ABCB5: variants seen among roughly 807,000 people sequenced by gnomAD.
ABCB5 encodes ATP binding cassette subfamily B member 5.
ABCB5 carries 155 observed loss-of-function variants against 144.2 expected under a neutral mutation model. The observed-to-expected ratio is 1.08, with a 90% CI of 0.94 to 1.23. The LOEUF is 1.23. Ranked by LOEUF, ABCB5 falls within the 50% of genes most tolerant of loss-of-function variation. The pLI, the probability that ABCB5 is intolerant of heterozygous loss-of-function variation, is 0.00. For missense variants in ABCB5, 1,830 were observed against 1,520.8 expected, an observed-to-expected ratio of 1.20 and a Z score of -3.38; for synonymous variants, 610 against 528.6, an observed-to-expected ratio of 1.15 and a Z score of -2.11.
At chr7:20,701,341 T>C (rs1395686586) in intron 19 of ABCB5, among the ~76,000 whole-genome samples, 10 of 152,232 alleles carry the variant, frequency 6.6e-5, no homozygotes, top group Non-Finnish European at 5.9e-5. Flanking sequence ...TTTCTGCTCA[T>C]TTTTGTTTTT....
At position 20,699,405 on chromosome 7, in the gene ABCB5, T is replaced by C. The variant is rs534832918; in HGVS notation, c.2155-420T>C. Among the ~76,000 whole-genome samples the C allele has an allele frequency of 4.9e-4, 75 of 152,304 alleles. 1 individual carries two copies. In the South Asian group the frequency reaches 0.015, roughly 31 times the overall value. On this transcript the variant is annotated intron_variant, in intron 17 of 27. Transcript: ENST00000404938. Reference sequence around the variant, plus strand: ...TGTGTGTATAGTTTTATTTTTATGTTGAAATTTATTTTAAGCTGGGTGCAA... The same window carrying C: ...TGTGTGTATAGTTTTATTTTTATGTCGAAATTTATTTTAAGCTGGGTGCAA...
At chr7:20,623,391 C>T (rs911939739) in intron 2 of ABCB5, 53 bp downstream of exon 2, 25 of 1,379,532 alleles carry the variant, frequency 1.8e-5, no homozygotes, top group Non-Finnish European at 2.5e-5. Context: ...AAATATAACT[C>T]ATCCTTTCCA....
chr7:20,688,442 TG>T (rs1786076783), intron 16 of ABCB5, among the ~76,000 whole-genome samples: 2 of 152,130 alleles, frequency 1.3e-5, no homozygotes, highest in South Asian at 4.1e-4. Context: ...CCAGTTAGAA[TG>T]GCGATCATTA....
chr7:20,733,209 A>T (rs1222711342), intron 23 of ABCB5, among the ~76,000 whole-genome samples: 1 of 150,798 alleles, frequency 6.6e-6, no homozygotes, highest in South Asian at 2.1e-4. Context: ...TTATTATTAC[A>T]AATTCTGTGG....
chr7:20,642,042 A>G (rs1386795229), intron 5 of ABCB5: 2 of 152,254 alleles, frequency 1.3e-5, no homozygotes, highest in African/African-American at 4.8e-5. Flanking sequence ...CCAGGGCGAT[A>G]GGTTCTTAAC....
chr7:20,713,610 TA>T (rs1781571218), intron 20 of ABCB5, among the ~76,000 whole-genome samples: 1 of 149,830 alleles, frequency 6.7e-6, no homozygotes, highest in African/African-American at 2.5e-5. Flanking sequence ...TACATTTCTA[TA>T]AATATTCTGG....
intron 16 of ABCB5, among the ~76,000 whole-genome samples, chr7:20,695,857 T>A (rs80153299): frequency 0.029 from 4,400 of 151,404 alleles, 199 homozygotes; most frequent in African/African-American, 0.1. Flanking sequence ...AAAAAAAAAA[T>A]CACAATGAGA....
chr7:20,735,716 C>T (rs1281918931), intron 23 of ABCB5, among the ~76,000 whole-genome samples: 1 of 152,196 alleles, frequency 6.6e-6, no homozygotes, highest in Non-Finnish European at 1.5e-5. Context: ...CAAACTCCAA[C>T]ATGTAGGAAA....
chr7:20,709,392 C>T lies in ABCB5; in HGVS notation c.2421+4585C>T, dbSNP rs566068204. On this transcript the variant is annotated intron_variant, in intron 20 of 27. Transcript: ENST00000404938. ...GCTTTCCTGTAAGTGGGGAATATTG[C>T]GATGAGTGTTCAGTCTGCTAATGTT... 1.2e-4 allele frequency among the ~76,000 whole-genome samples: 18 copies of T among 149,926 alleles called. 4 individuals are homozygous for T. Among genetic ancestry groups the T allele is most frequent in the African/African-American group, 1.7e-4 (7 of 40,600 alleles).
intron 13 of ABCB5, among the ~76,000 whole-genome samples, chr7:20,654,449 AG>A (rs1784702194): frequency 7.0e-6 from 1 of 142,554 alleles, no homozygotes; most frequent in Admixed American, 6.9e-5. Context: ...TAGAACAAGC[AG>A]GTGGAATATC....
intron 14 of ABCB5, among the ~76,000 whole-genome samples, chr7:20,668,506 T>A (rs1225853696): frequency 3.4e-3 from 511 of 149,702 alleles, no homozygotes; most frequent in African/African-American, 0.012. Flanking sequence ...GTCTGAGAAG[T>A]GAGGAGCCCC....
At chr7:20,620,783 A>G (rs1216925458) in intron 1 of ABCB5, among the ~76,000 whole-genome samples, 1 of 152,158 alleles carries the variant, frequency 6.6e-6, no homozygotes, top group African/African-American at 2.4e-5. Context: ...AGCCTTGTAC[A>G]TTGCTCGTAG....
intron 4 of ABCB5, among the ~76,000 whole-genome samples, chr7:20,631,055 C>T (rs906184237): frequency 1.3e-5 from 2 of 152,062 alleles, no homozygotes; most frequent in African/African-American, 2.4e-5. Context: ...CAGGATTATT[C>T]GTTCCTATAA....
chr7:20,618,295 A>G (rs1783731331), intron 1 of ABCB5, among the ~76,000 whole-genome samples: 1 of 152,184 alleles, frequency 6.6e-6, no homozygotes, highest in African/African-American at 2.4e-5. Context: ...GGAATTATAT[A>G]GTATGTTGTC....
Position 20,711,778 on chromosome 7 carries a change from C to CTCTTTCTTTT in ABCB5, c.2421+6980_2421+6981insTTCTTTCTTT, listed in dbSNP as rs1554287284. Among the ~76,000 whole-genome samples the CTCTTTCTTTT allele has an allele frequency of 4.2e-5, 2 of 47,110 alleles. 1 individual carries two copies. The highest frequency in any genetic ancestry group is 7.1e-5 in the Non-Finnish European group (2 of 28,148). 30.9% of individuals were successfully genotyped at this position (47,110 alleles called of 152,430 possible). On this transcript the variant is annotated intron_variant, in intron 20 of 27. Transcript: ENST00000404938. ...CCAGCCTGCCTGCCTTTCCTTCTTT[C>CTCTTTCTTTT]TCTTTCTTTCTTTCTTTCTTTCTTT...
intron 15 of ABCB5, among the ~76,000 whole-genome samples, 198 bp downstream of exon 15, chr7:20,681,864 TG>T (rs1452676191): frequency 6.6e-6 from 1 of 152,178 alleles, no homozygotes; most frequent in African/African-American, 2.4e-5. Context: ...GAAGAACTAA[TG>T]GGTACCTGGT....
intron 25 of ABCB5, among the ~76,000 whole-genome samples, chr7:20,743,422 C>G (rs1198759814): frequency 1.3e-5 from 2 of 152,146 alleles, no homozygotes; most frequent in African/African-American, 4.8e-5. Context: ...AGAGAGAACA[C>G]TGTCCTCCAC....
chr7:20,694,878 T>C (rs1786354487), intron 16 of ABCB5, among the ~76,000 whole-genome samples: 1 of 151,970 alleles, frequency 6.6e-6, no homozygotes, highest in Non-Finnish European at 1.5e-5. Flanking sequence ...AGGGAATAAA[T>C]GTGATCAGAG....
intron 14 of ABCB5, among the ~76,000 whole-genome samples, chr7:20,661,469 C>T (rs1186528545): frequency 1.3e-5 from 2 of 152,046 alleles, no homozygotes; most frequent in Non-Finnish European, 2.9e-5. Context: ...GTTGGATGGA[C>T]TTCGATGAGT....
Sources: allele counts gnomAD v4.1 joint callset (sites outside exome capture counted in the v4.1 genomes callset), GRCh38; gene constraint gnomAD v4.1.1; transcripts MANE v1.5; gene names NCBI Gene and HGNC (gene_info 2026-07-23, HGNC 2026-07-21).